Variants in MBD3 observed in about 807,000 individuals in gnomAD.
The protein encoded by MBD3 is methyl-CpG binding domain protein 3, also known as methyl-CpG-binding domain protein 3.
In MBD3, 13 loss-of-function variants were observed where a neutral mutation model predicts 31.2. The ratio of observed to expected loss-of-function variants is 0.42; its 90% CI spans 0.27 to 0.66. The LOEUF is 0.66. MBD3 is among the 30% of genes least tolerant of loss of function. The probability of loss-of-function intolerance (pLI) is 0.26; values close to 1 mark genes in which losing one functional copy is unlikely to be tolerated. For synonymous variants in MBD3, 223 were observed against 187.4 expected (o/e 1.19, Z -1.55); for missense variants, 440 against 426.5 (o/e 1.03, Z -0.28).
intron 3 of MBD3, among the ~76,000 whole-genome samples, chr19:1,583,967 G>A (rs2060665370): frequency 6.6e-6 from 1 of 151,814 alleles, no homozygotes; most frequent in Non-Finnish European, 1.5e-5. Flanking sequence ...GATTACAGGC[G>A]CACACCACCA....
At chr19:1,590,874 C>T (rs1236009090) in intron 1 of MBD3, among the ~76,000 whole-genome samples, 2 of 152,172 alleles carry the variant, frequency 1.3e-5, no homozygotes. Flanking sequence ...CTGCAGAGGG[C>T]GGCTCTGGGC....
chr19:1,585,566 T>A lies in MBD3; in HGVS notation c.111-352A>T. On this transcript the variant is annotated intron_variant, in intron 1 of 6. Transcript: ENST00000434436. The surrounding 1 kb of genome is among the most constrained non-coding windows in gnomAD (Gnocchi z 4.1). The stretch of plus-strand genomic sequence containing the variant: ...CCCAACCCCGGTCCCCTCTGAATCC[T>A]CCCCACCGTAGGCCCTGGCAGCGTC... 3.4e-6 allele frequency: 1 copy of A among 291,082 alleles called. No individual in the cohort carries two copies. Among genetic ancestry groups the A allele is most frequent in the Non-Finnish European group, 6.6e-6 (1 of 150,960 alleles). The allele number at this position is 291,082 out of a possible 1,614,324, so 18.0% of individuals were successfully genotyped here.
intron 1 of MBD3, among the ~76,000 whole-genome samples, chr19:1,587,776 T>C (rs758617199): frequency 2.0e-5 from 3 of 152,218 alleles, no homozygotes; most frequent in African/African-American, 7.2e-5. Flanking sequence ...CTAGGCCAGG[T>C]ACCTCAAACA....
At chr19:1,582,502 T>G in intron 4 of MBD3, 120 bp downstream of exon 4, 1 of 933,882 alleles carries the variant, frequency 1.1e-6, no homozygotes, top group Non-Finnish European at 1.7e-6. Flanking sequence ...CGCTGGCAGA[T>G]TTGCCCTAAG....
chr19:1,591,950 G>A (rs1258924359), intron 1 of MBD3: 1 of 152,182 alleles, frequency 6.6e-6, no homozygotes, highest in Non-Finnish European at 1.5e-5. Flanking sequence ...CGACCCAAGA[G>A]GACCAGAGGC....
rs560501123 is a variant in MBD3, at chr19:1,589,017, TA to T, written c.110+3504del. On this transcript the variant is annotated intron_variant, in intron 1 of 6. Coordinates refer to ENST00000434436, the MANE Select transcript of MBD3 (RefSeq NM_001281453.2). ...TTAAATGACTGTATTGTATGGTACATAAAACTGTATCTCGATAACACCTTCT... is the reference window on the plus strand; with the variant it reads ...TTAAATGACTGTATTGTATGGTACATAAACTGTATCTCGATAACACCTTCT... Among the ~76,000 whole-genome samples, 223 of 152,190 alleles carry T rather than the reference TA, an allele frequency of 1.5e-3. 1 individual carries two copies. The highest frequency in any genetic ancestry group is 5.2e-3 in the African/African-American group (215 of 41,520).
rs141610896 is a variant in MBD3 at position 1,584,589 on chromosome 19, C to T, written c.359G>A (p.Ser120Asn). Residue 120 changes from serine to asparagine, a missense_variant, in exon 3 of 7, where the codon AGC (serine) becomes AAC (asparagine). Around this residue, in one of 3 missense-constraint regions of MBD3, gnomAD observed 144 missense variants for 196.9 expected, o/e 0.73. Transcript: ENST00000434436. ...CTGCGGGTCGCTCTTGACCTTGTTG[C>T]TGGGGTGGTTGGTAATCTTGGTCAC... ...QPVTKITNHP[S>N]NKVKSDPQKA... The T allele has an allele frequency of 2.5e-6, 4 of 1,613,700 alleles. No individual in the cohort carries two copies. Among genetic ancestry groups the T allele is most frequent in the South Asian group, 2.2e-5 (2 of 91,084 alleles).
rs375145153 is a variant in MBD3, at chr19:1,575,411, TA to T, written c.*2752del. ...GCGAAAGAAGAGCGAAACTCTTGTC[TA>T]AAAAAAAAAAAAGTCCCAGAAGGTC... On this transcript the variant is annotated 3_prime_UTR_variant, in exon 7 of 7. Transcript: ENST00000434436. The T allele has an allele frequency of 0.12, 30,477 of 262,166 alleles. 448 individuals are homozygous for T. The highest frequency in any genetic ancestry group is 0.35 in the East Asian group (2,629 of 7,588). The allele number at this position is 262,166 out of a possible 1,614,324, so 16.2% of individuals were successfully genotyped here. A position where few individuals can be genotyped will look rare whatever the true frequency, so the allele number is the denominator to read the frequency against.
chr19:1,576,010 AGAGACC>A lies in MBD3; in HGVS notation c.*2148_*2153del, dbSNP rs1482282550. On this transcript the variant is annotated 3_prime_UTR_variant, in exon 7 of 7. Transcript: ENST00000434436. ...GGGAGAGACAGCAAGAGACAGAGAC[AGAGACC>A]GAGGGAGAGAGACAGGAGAGAGAGC... 6.6e-6 allele frequency: 1 copy of A among 152,466 alleles called. No homozygotes were observed. Among genetic ancestry groups the A allele is most frequent in the Non-Finnish European group, 1.5e-5 (1 of 68,266 alleles). 9.4% of individuals were successfully genotyped at this position (152,466 alleles called of 1,614,324 possible).
intron 5 of MBD3, among the ~76,000 whole-genome samples, chr19:1,579,036 T>A (rs1279481792): frequency 1.3e-5 from 2 of 151,496 alleles, no homozygotes; most frequent in African/African-American, 2.4e-5. Context: ...ATATAAAAAT[T>A]AGCTGGGCGT....
chr19:1,582,858 C>G, intron 3 of MBD3, 146 bp from the exon 4 acceptor site: 1 of 700,276 alleles, frequency 1.4e-6, no homozygotes, highest in Non-Finnish European at 2.6e-6. Flanking sequence ...CCTTGGGTCT[C>G]CAGACCCTGC....
At chr19:1,583,456 G>A (rs2060662805) in intron 3 of MBD3, 1 of 151,304 alleles carries the variant, frequency 6.6e-6, no homozygotes, top group Admixed American at 6.6e-5. Flanking sequence ...TTAAGAAGTA[G>A]GTTACACAGT....
chr19:1,592,456 G>A, intron 1 of MBD3, 66 bp downstream of exon 1: 2 of 823,558 alleles, frequency 2.4e-6, no homozygotes, highest in Non-Finnish European at 3.4e-6. Context: ...CAGGGGCGCC[G>A]AGGCCGCCGC....
intron 2 of MBD3, 174 bp from the exon 3 acceptor site, chr19:1,584,851 C>G: frequency 3.0e-6 from 3 of 990,930 alleles, no homozygotes; most frequent in East Asian, 6.8e-5. Context: ...CCGGCCGGCT[C>G]TGGAACGCCC....
At chr19:1,584,401 G>T in intron 3 of MBD3, 139 bp downstream of exon 3, 1 of 1,302,306 alleles carries the variant, frequency 7.7e-7, no homozygotes, top group Non-Finnish European at 1.1e-6. Context: ...CTTGTTTTTT[G>T]CCTCGTCATG....
chr19:1,584,421 C>T, intron 3 of MBD3, 119 bp downstream of exon 3: 1 of 1,464,286 alleles, frequency 6.8e-7, no homozygotes, highest in Non-Finnish European at 9.4e-7. Context: ...GTTGCCCAGG[C>T]TAGCCTGGAA....
intron 5 of MBD3, among the ~76,000 whole-genome samples, chr19:1,580,335 T>C (rs7252741): frequency 0.23 from 35,075 of 152,080 alleles, 4,174 homozygotes; most frequent in East Asian, 0.39. Context: ...GTTCACCCTG[T>C]GTGGGGGCAC....
chr19:1,579,181 C>CA (rs57070800), intron 5 of MBD3, among the ~76,000 whole-genome samples: 1,407 of 21,486 alleles, frequency 0.065, 391 homozygotes, highest in East Asian at 0.22. Context: ...CAGATTCTGC[C>CA]AAAAAAAAAA....
Position 1,574,843 on chromosome 19 carries a change from G to A in MBD3, c.*3321C>T, listed in dbSNP as rs76767110. 328 of 197,512 alleles carry A rather than the reference G, an allele frequency of 1.7e-3. 6 individuals are homozygous for A. Among genetic ancestry groups the A allele is most frequent in the Middle Eastern group, 8.4e-4 (1 of 1,196 alleles). The allele number at this position is 197,512 out of a possible 1,614,324, so 12.2% of individuals were successfully genotyped here. A position where few individuals can be genotyped will look rare whatever the true frequency, so the allele number is the denominator to read the frequency against. ...GAGGGGCATCCCCGGGGATCTTTGCGGTGGCGAGTGTGTGCGGTGGTCAGA... is the reference window on the plus strand; with the variant it reads ...GAGGGGCATCCCCGGGGATCTTTGCAGTGGCGAGTGTGTGCGGTGGTCAGA... On this transcript the variant is annotated 3_prime_UTR_variant, in exon 7 of 7. Coordinates refer to ENST00000434436, the MANE Select transcript of MBD3 (RefSeq NM_001281453.2).
Sources: gnomAD v4.1 joint callset for allele counts (sites outside exome capture counted in the v4.1 genomes callset) on GRCh38, gnomAD v4.1.1 for gene constraint, gnomAD v4.1.1 regional missense constraint, Gnocchi (gnomAD v3.1) non-coding constraint, MANE v1.5 for transcripts, NCBI Gene and HGNC (gene_info 2026-07-23, HGNC 2026-07-21) for gene names.